Variants in MAML2 observed in about 807,000 individuals in gnomAD.
The protein encoded by MAML2 is mastermind-like protein 2.
In MAML2, 22 loss-of-function variants were observed where a neutral mutation model predicts 96.1. The observed-to-expected ratio is 0.23, with a 90% CI of 0.16 to 0.33. The LOEUF is 0.33. Ranked by LOEUF, MAML2 falls within the 10% of genes least tolerant of loss-of-function variation. The pLI is 1.00. For missense variants in MAML2, 1,367 were observed against 1,392.4 expected (o/e 0.98, Z 0.29); for synonymous variants, 561 against 521.3 (o/e 1.08, Z -1.04).
At chr11:96,081,168 A>G (rs1174414190) in intron 2 of MAML2, among the ~76,000 whole-genome samples, 1 of 152,180 alleles carries the variant, frequency 6.6e-6, no homozygotes, top group East Asian at 1.9e-4. Context: ...TGTTCTTGCT[A>G]AAAGAAAGTG....
intron 1 of MAML2, among the ~76,000 whole-genome samples, chr11:96,120,145 G>C (rs1039784573): frequency 6.6e-5 from 10 of 152,084 alleles, no homozygotes; most frequent in Admixed American, 5.2e-4. Context: ...TTTTAGTAGA[G>C]ACAGGGTTTT....
intron 1 of MAML2, among the ~76,000 whole-genome samples, chr11:96,225,808 G>T (rs1189352467): frequency 6.6e-6 from 1 of 151,692 alleles, no homozygotes; most frequent in Non-Finnish European, 1.5e-5. Context: ...ACCCCACCCT[G>T]GGTGACAGAG....
rs560692088 is a variant in MAML2, at chr11:96,018,946, A to C, written c.2140-27223T>G. 7.9e-4 allele frequency among the ~76,000 whole-genome samples: 121 copies of C among 152,334 alleles called. No individual in the cohort carries two copies. The South Asian group carries it at 0.016, about 20-fold the overall frequency. ...TGTAGATATCACTAATAGTTTTGAC[A>C]AGAGCAGTTTCACTGGAAATCTAGA... is the stretch of plus-strand genomic sequence containing the variant. On this transcript the variant is annotated intron_variant, in intron 2 of 4. Coordinates refer to ENST00000524717, the MANE Select transcript of MAML2 (RefSeq NM_032427.4).
At chr11:96,221,439 C>T (rs956477053) in intron 1 of MAML2, among the ~76,000 whole-genome samples, 1 of 152,146 alleles carries the variant, frequency 6.6e-6, no homozygotes, top group Non-Finnish European at 1.5e-5. Context: ...TGTTTTGTAT[C>T]CCCTGTCATT....
chr11:96,199,533 T>TGAGTA (rs1428072727), intron 1 of MAML2, among the ~76,000 whole-genome samples: 1 of 152,150 alleles, frequency 6.6e-6, no homozygotes, highest in African/African-American at 2.4e-5. Context: ...ATTTTTTTTT[T>TGAGTA]TTTTTTGAGC....
At chr11:96,237,203 C>T (rs1862377453) in intron 1 of MAML2, among the ~76,000 whole-genome samples, 1 of 152,186 alleles carries the variant, frequency 6.6e-6, no homozygotes, top group Admixed American at 6.5e-5. Context: ...CTCTTCTTGG[C>T]CAGTCAGTAT....
chr11:96,238,137 C>G (rs1171873914), intron 1 of MAML2, among the ~76,000 whole-genome samples: 1 of 152,128 alleles, frequency 6.6e-6, no homozygotes, highest in Non-Finnish European at 1.5e-5. Flanking sequence ...GCAATTAGTA[C>G]AGAGCTTTAG....
Position 96,173,174 on chromosome 11 carries a change from GA to G in MAML2, c.514-79658del, listed in dbSNP as rs762867643. 2.6e-5 allele frequency among the ~76,000 whole-genome samples: 4 copies of G among 152,160 alleles called. 1 individual carries two copies. Among genetic ancestry groups the G allele is most frequent in the Non-Finnish European group, 5.9e-5 (4 of 68,038 alleles). ...GGGGAGATGTGTCCCAGAGCACTTG[GA>G]CACAAGACTACAGCTATCAACCACA... On this transcript the variant is annotated intron_variant, in intron 1 of 4. Transcript: ENST00000524717.
At chr11:96,286,209 C>T (rs923888406) in intron 1 of MAML2, among the ~76,000 whole-genome samples, 2 of 152,204 alleles carry the variant, frequency 1.3e-5, no homozygotes, top group African/African-American at 4.8e-5. Flanking sequence ...TTATCCTCAG[C>T]AAACTAACGC....
intron 1 of MAML2, among the ~76,000 whole-genome samples, chr11:96,135,621 A>G (rs1860618427): frequency 6.6e-6 from 1 of 151,874 alleles, no homozygotes; most frequent in African/African-American, 2.4e-5. Context: ...TGAATGAAAC[A>G]AAACTGAATA....
intron 1 of MAML2, among the ~76,000 whole-genome samples, chr11:96,259,086 G>C (rs1434178170): frequency 6.6e-6 from 1 of 152,142 alleles, no homozygotes; most frequent in Non-Finnish European, 1.5e-5. Context: ...TAATTACAGA[G>C]TGTTGCTTTA....
chr11:96,268,043 A>G (rs1862855333), intron 1 of MAML2, among the ~76,000 whole-genome samples: 1 of 152,252 alleles, frequency 6.6e-6, no homozygotes, highest in Non-Finnish European at 1.5e-5. Context: ...TGACAGGTAC[A>G]TACATTCAGA....
intron 1 of MAML2, among the ~76,000 whole-genome samples, chr11:96,289,467 C>A (rs1448789488): frequency 6.6e-6 from 1 of 152,146 alleles, no homozygotes; most frequent in Non-Finnish European, 1.5e-5. Context: ...GAGTGACCTG[C>A]AACTGCTGAT....
intron 1 of MAML2, among the ~76,000 whole-genome samples, chr11:96,166,169 TCTCTCTCTCACACACA>T (rs1023265430): frequency 5.1e-5 from 6 of 116,776 alleles, no homozygotes; most frequent in Admixed American, 1.7e-4. Context: ...TCTCTCTCTC[TCTCTCTCTCACACACA>T]CACACACACA....
intron 1 of MAML2, among the ~76,000 whole-genome samples, chr11:96,226,471 C>A (rs905442113): frequency 6.6e-6 from 1 of 152,164 alleles, no homozygotes; most frequent in Non-Finnish European, 1.5e-5. Flanking sequence ...GAAAAATATT[C>A]CATTAGTAAA....
rs758559064 is a variant in MAML2 at position 95,979,528 on chromosome 11, G to T, written c.2891C>A (p.Pro964Gln). ...TGTTCCTTCTTGAGAGGCCCAGTTTGGTGCAGTTGTGTTGGATGTGATCAT... is the reference window on the plus strand; with the variant it reads ...TGTTCCTTCTTGAGAGGCCCAGTTTTGTGCAGTTGTGTTGGATGTGATCAT... ...NVMITSNTTA[P>Q]NWASQEGTSK... The change falls in exon 5 of 5, where the codon CCA becomes CAA. Residue 964 changes from proline (P) to glutamine (Q), a missense_variant. Pro to Gln is a moderately conservative substitution (Grantham distance 76). Transcript: ENST00000524717. 2.5e-6 allele frequency: 4 copies of T among 1,613,730 alleles called. No homozygotes were observed. The highest frequency in any genetic ancestry group is 2.2e-5 in the East Asian group (1 of 44,856).
At chr11:96,338,274 G>A (rs1360715507) in intron 1 of MAML2, among the ~76,000 whole-genome samples, 1 of 152,366 alleles carries the variant, frequency 6.6e-6, no homozygotes, top group Non-Finnish European at 1.5e-5. Context: ...GGTTAGAAAT[G>A]CAGATCTGCT....
At position 96,094,276 on chromosome 11, in the gene MAML2, A is replaced by G. The variant is rs1859788074; in HGVS notation, c.514-759T>C. Among the ~76,000 whole-genome samples, 3 of 152,234 alleles carry G rather than the reference A, an allele frequency of 2.0e-5. No individual in the cohort carries two copies. The South Asian group carries it at 6.2e-4, about 31-fold the overall frequency. ...ACCAAAACGAAAGTGTTAATTGCTT[A>G]GGCTCTGGAAGCAGACAAAACTGAG... On this transcript the variant is annotated intron_variant, in intron 1 of 4. Coordinates refer to ENST00000524717, the MANE Select transcript of MAML2 (RefSeq NM_032427.4).
intron 2 of MAML2, among the ~76,000 whole-genome samples, chr11:96,042,018 C>A (rs1303054904): frequency 2.1e-4 from 31 of 150,550 alleles, no homozygotes; most frequent in Non-Finnish European, 3.4e-4. Flanking sequence ...GCTCTGTTGC[C>A]CAGGCTGGAG....
Sources: allele counts gnomAD v4.1 joint callset (sites outside exome capture counted in the v4.1 genomes callset), GRCh38; gene constraint gnomAD v4.1.1; transcripts MANE v1.5; gene names NCBI Gene and HGNC (gene_info 2026-07-23, HGNC 2026-07-21).